The following NXF3 variants were observed in gnomAD, a reference collection of about 807,000 sequenced individuals.
NXF3 encodes the protein TAP-like protein 3.
NXF3 carries 34 observed loss-of-function variants against 48.4 expected under a neutral mutation model. The ratio of observed to expected loss-of-function variants is 0.70; its 90% CI spans 0.53 to 0.93. NXF3 has a LOEUF of 0.93. Ranked by LOEUF, NXF3 falls within the 40% of genes least tolerant of loss-of-function variation. NXF3 has a pLI of 0.00. For synonymous variants in NXF3, 132 were observed against 145.7 expected (o/e 0.91, Z 0.68); for missense variants, 359 against 406.1 (o/e 0.88, Z 1.00).
intron 1 of NXF3, among the ~76,000 whole-genome samples, chrX:103,091,223 C>T (rs1374993677): frequency 1.8e-5 from 2 of 110,991 alleles, no homozygotes; most frequent in Admixed American, 9.6e-5. Flanking sequence ...TTGACCCATG[C>T]CTTTTTAAGC....
Position 103,082,850 on chromosome X carries a change from T to C in NXF3, c.692-2A>G. On this transcript the variant is annotated splice_acceptor_variant, in intron 7 of 19. Transcript: ENST00000395065. LOFTEE classifies it high-confidence loss of function. Reference sequence around the variant, plus strand: ...TCTTAGTATCACGGTTCACCATGTCTCCAGAAAGCAGAGAGGAGAAAATCA... The same window carrying C: ...TCTTAGTATCACGGTTCACCATGTCCCCAGAAAGCAGAGAGGAGAAAATCA... 8.3e-7 allele frequency: 1 copy of C among 1,205,754 alleles called. No individual in the cohort carries two copies. Among genetic ancestry groups the C allele is most frequent in the Non-Finnish European group, 1.1e-6 (1 of 890,316 alleles).
At chrX:103,087,295 A>G in intron 1 of NXF3, 1 of 1,191,601 alleles carries the variant, frequency 8.4e-7, no homozygotes, top group Non-Finnish European at 1.1e-6. Flanking sequence ...TATTTGCTTC[A>G]AGCACTTTGA....
rs1261687446 is a variant in NXF3, at chrX:103,077,664, T to A, written c.1534A>T (p.Thr512Ser). ...TQSALFTLVP[T>S]AFSSSVPAFS... is the part of the protein sequence containing the mutation. ...GCAGGCACGGAGCTGGAGAAGGCTG[T>A]GGGCACTAGGGTGAACAAGGCACTC... Residue 512 changes from threonine to serine, a missense_variant, in exon 18 of 20, where the codon ACA (threonine) becomes TCA (serine). Coordinates refer to ENST00000395065, the MANE Select transcript of NXF3 (RefSeq NM_022052.2). 1 of 1,211,524 alleles carries A rather than the reference T, an allele frequency of 8.3e-7. No individual in the cohort carries two copies. Among genetic ancestry groups the A allele is most frequent in the Non-Finnish European group, 1.1e-6 (1 of 895,296 alleles).
intron 9 of NXF3, 115 bp from the exon 10 acceptor site, chrX:103,080,727 C>T (rs1044985007): frequency 6.3e-5 from 45 of 712,999 alleles, no homozygotes; most frequent in Non-Finnish European, 8.3e-5. Flanking sequence ...ACCTACACTC[C>T]GAAGTTCCTG....
intron 7 of NXF3, 67 bp downstream of exon 7, chrX:103,082,937 C>A: frequency 8.7e-7 from 1 of 1,148,605 alleles, no homozygotes. Flanking sequence ...AGTTGCCAAC[C>A]GTAAGTCTCC....
rs751455801 is a variant in NXF3, at chrX:103,092,999, T to C, written c.25A>G (p.Thr9Ala). The C allele has an allele frequency of 7.4e-6, 9 of 1,209,190 alleles. No individual in the cohort carries two copies. In the South Asian group the frequency reaches 1.4e-4, roughly 19 times the overall value. Residue 9 changes from threonine to alanine, a missense_variant, in exon 1 of 20, where the codon ACG becomes GCG. Physicochemically the swap from Thr to Ala is moderately conservative, Grantham distance 58. Coordinates refer to ENST00000395065, the MANE Select transcript of NXF3 (RefSeq NM_022052.2). Reference sequence around the variant, plus strand: ...AGCCTCATGCTGGCCAACTCACCCGTAGTGTGTCCTGAAGGCAGTGACATT... The same window carrying C: ...AGCCTCATGCTGGCCAACTCACCCGCAGTGTGTCCTGAAGGCAGTGACATT... The part of the protein sequence containing the change: MSLPSGHT[T>A]GHTDQVVQRR...
chrX:103,091,984 C>CCAAAAA, intron 1 of NXF3, among the ~76,000 whole-genome samples: 1 of 47,811 alleles, frequency 2.1e-5, no homozygotes, highest in Non-Finnish European at 3.7e-5. Flanking sequence ...GACTCCATCA[C>CCAAAAA]AAAAAAAAAA....
At chrX:103,092,185 G>C (rs1420768985) in intron 1 of NXF3, among the ~76,000 whole-genome samples, 1 of 110,061 alleles carries the variant, frequency 9.1e-6, no homozygotes, top group Non-Finnish European at 1.9e-5. Flanking sequence ...AGTTTGATTG[G>C]CTGGCTAACT....
Position 103,075,831 on chromosome X carries a change from C to T in NXF3, c.*219G>A. 7.9e-6 allele frequency: 1 copy of T among 126,577 alleles called. No homozygotes were observed. Among genetic ancestry groups the T allele is most frequent in the Non-Finnish European group, 1.6e-5 (1 of 62,147 alleles). The allele number at this position is 126,577 out of a possible 1,213,427, so 10.4% of individuals were successfully genotyped here. A position where few individuals can be genotyped will look rare whatever the true frequency, so the allele number is the denominator to read the frequency against. On this transcript the variant is annotated 3_prime_UTR_variant, in exon 20 of 20. Coordinates refer to ENST00000395065, the MANE Select transcript of NXF3 (RefSeq NM_022052.2). ...TGGATTTTGCAGGGATTTGACATAACAAGACACCATACTTTATTGTGAAAA... is the reference window on the plus strand; with the variant it reads ...TGGATTTTGCAGGGATTTGACATAATAAGACACCATACTTTATTGTGAAAA...
chrX:103,088,116 A>C (rs1275484035), intron 1 of NXF3: 4 of 929,914 alleles, frequency 4.3e-6, no homozygotes, highest in Middle Eastern at 2.9e-4. Context: ...GCAGATTCTC[A>C]ATGAACACAT....
At position 103,088,852 on chromosome X, in the gene NXF3, G is replaced by A. The variant is rs1175186832; in HGVS notation, c.29-3969C>T. ...TTGAACAATCTTTCTAATCATCCAC[G>A]TAATAATGTTAACTATAATGATTCC... On this transcript the variant is annotated intron_variant, in intron 1 of 19. Transcript: ENST00000395065. The A allele has an allele frequency of 3.4e-6, 4 of 1,171,501 alleles. No individual in the cohort carries two copies. The East Asian group carries it at 8.9e-5, about 26-fold the overall frequency.
At chrX:103,091,963 C>T (rs1477282549) in intron 1 of NXF3, among the ~76,000 whole-genome samples, 8 of 81,119 alleles carry the variant, frequency 9.9e-5, no homozygotes, top group Non-Finnish European at 1.3e-4. Context: ...CCAGCCTGGG[C>T]GACACAGCAA....
chrX:103,082,682 G>C (rs1474451020), intron 8 of NXF3, 78 bp downstream of exon 8: 7 of 827,537 alleles, frequency 8.5e-6, no homozygotes, highest in South Asian at 2.2e-5. Flanking sequence ...CCCAACAGGG[G>C]ATATCTTAGA....
intron 1 of NXF3, 113 bp from the exon 2 acceptor site, chrX:103,084,996 G>A: frequency 5.5e-6 from 4 of 721,944 alleles, no homozygotes; most frequent in Non-Finnish European, 8.4e-6. Context: ...TCAGGATCTG[G>A]CTCTACTGCC....
Position 103,089,115 on chromosome X carries a change from T to A in NXF3, c.28+3881A>T, listed in dbSNP as rs778127278. On this transcript the variant is annotated intron_variant, in intron 1 of 19. Coordinates refer to ENST00000395065, the MANE Select transcript of NXF3 (RefSeq NM_022052.2). ...TTGTGCTAGGAGTTTCTGATCTCCA[T>A]CTATACTGGAAAAACACTAACTAAT... 3 of 896,213 alleles carry A rather than the reference T, an allele frequency of 3.3e-6. No individual in the cohort carries two copies. The South Asian group carries it at 6.0e-5, about 18-fold the overall frequency. The allele number at this position is 896,213 out of a possible 1,213,427, so 73.9% of individuals were successfully genotyped here.
At chrX:103,079,109 C>G in intron 16 of NXF3, 112 bp downstream of exon 16, 1 of 814,337 alleles carries the variant, frequency 1.2e-6, no homozygotes, top group African/African-American at 2.0e-5. Context: ...ACGGAGGGAA[C>G]AAGAGGAAGG....
At chrX:103,092,896 T>C in intron 1 of NXF3, 100 bp downstream of exon 1, 1 of 850,105 alleles carries the variant, frequency 1.2e-6, no homozygotes, top group Non-Finnish European at 1.7e-6. Flanking sequence ...TAAAGGGAGA[T>C]TGGCTGGGTG....
intron 10 of NXF3, among the ~76,000 whole-genome samples, 175 bp from the exon 11 acceptor site, chrX:103,080,391 T>G (rs888328301): frequency 9.0e-6 from 1 of 111,710 alleles, no homozygotes; most frequent in Non-Finnish European, 1.9e-5. Flanking sequence ...GTTGTGAACC[T>G]GTGTGAAGAA....
rs1308724597 is a variant in NXF3 at position 103,084,466 on chromosome X, C to T, written c.227G>A (p.Arg76Gln). 1 of 1,211,252 alleles carries T rather than the reference C, an allele frequency of 8.3e-7. No individual in the cohort carries two copies. The highest frequency in any genetic ancestry group is 2.3e-4 in the Middle Eastern group (1 of 4,355). Residue 76 changes from arginine (R) to glutamine (Q), a missense_variant, in exon 3 of 20, where the codon CGG (arginine) becomes CAG (glutamine). Arg to Gln is a conservative substitution (Grantham distance 43, BLOSUM62 1). Coordinates refer to ENST00000395065, the MANE Select transcript of NXF3 (RefSeq NM_022052.2). ...YTPYTISPYNRKGSFRKQDQT... is the reference protein window; with the variant it reads ...YTPYTISPYNQKGSFRKQDQT... Reference sequence around the variant, plus strand: ...GTCTTGTTTACGAAAACTGCCTTTCCGATTATAGGGTGAAATAGTATAGGG... The same window carrying T: ...GTCTTGTTTACGAAAACTGCCTTTCTGATTATAGGGTGAAATAGTATAGGG...
Sources: allele counts gnomAD v4.1 joint callset (sites outside exome capture counted in the v4.1 genomes callset), GRCh38; gene constraint gnomAD v4.1.1; transcripts MANE v1.5; gene names NCBI Gene and HGNC (gene_info 2026-07-23, HGNC 2026-07-21).